The following SDK1 variants were observed in gnomAD, a reference collection of about 807,000 sequenced individuals.
The protein encoded by SDK1 is protein sidekick-1.
A neutral mutation model predicts 245.5 loss-of-function variants in SDK1; 157 were observed. The observed-to-expected ratio is 0.64, with a 90% CI of 0.56 to 0.73. SDK1 has a LOEUF of 0.73. Among genes scored for constraint, SDK1 ranks in the 30% least tolerant of loss-of-function variants. The pLI, the probability that SDK1 is intolerant of heterozygous loss-of-function variation, is 0.00. For missense variants in SDK1, 3,583 were observed against 3,002.3 expected, an observed-to-expected ratio of 1.19 and a Z score of -4.52; for synonymous variants, 1,647 against 1,278.5, an observed-to-expected ratio of 1.29 and a Z score of -6.15.
intron 26 of SDK1, chr7:4,129,704 C>G (rs567580894): frequency 7.1e-7 from 1 of 1,416,630 alleles, no homozygotes; most frequent in Non-Finnish European, 9.2e-7. Context: ...CTCAAGCTCC[C>G]CTGGAGCGCA....
At position 4,125,189 on chromosome 7, in the gene SDK1, T is replaced by TGATG. The variant is rs139127658; in HGVS notation, c.3824-2170_3824-2167dup. Among the ~76,000 whole-genome samples, 686 of 127,818 alleles carry TGATG rather than the reference T, an allele frequency of 5.4e-3. 4 individuals are homozygous for TGATG. The highest frequency in any genetic ancestry group is 0.017 in the African/African-American group (560 of 33,516). 83.9% of individuals were successfully genotyped at this position (127,818 alleles called of 152,430 possible). A position where few individuals can be genotyped will look rare whatever the true frequency, so the allele number is the denominator to read the frequency against. ...ATGGGTGGATGGATGGATGGATGGG[T>TGATG]GATGGATGGATGGATGGATGGATGG... On this transcript the variant is annotated intron_variant, in intron 25 of 44. Coordinates refer to ENST00000404826, the MANE Select transcript of SDK1 (RefSeq NM_152744.4).
intron 1 of SDK1, among the ~76,000 whole-genome samples, chr7:3,411,745 C>A (rs1779213788): frequency 6.6e-6 from 1 of 152,058 alleles, no homozygotes; most frequent in Non-Finnish European, 1.5e-5. Context: ...TCTAGTCTCT[C>A]CACAATTGAA....
At chr7:4,052,829 C>G (rs966431095) in intron 19 of SDK1, among the ~76,000 whole-genome samples, 2 of 152,148 alleles carry the variant, frequency 1.3e-5, no homozygotes, top group Non-Finnish European at 2.9e-5. Context: ...TGGTTCATGC[C>G]TGTAATCCCA....
intron 1 of SDK1, among the ~76,000 whole-genome samples, chr7:3,594,412 A>C (rs1419781480): frequency 6.6e-6 from 1 of 152,190 alleles, no homozygotes; most frequent in Non-Finnish European, 1.5e-5. Flanking sequence ...TGCTATGAGC[A>C]TTGATAATAC....
intron 22 of SDK1, among the ~76,000 whole-genome samples, chr7:4,094,407 G>A (rs1782007996): frequency 6.6e-6 from 1 of 152,192 alleles, no homozygotes; most frequent in South Asian, 2.1e-4. Context: ...GAATTCCGGG[G>A]TGGGATTGCC....
At chr7:4,203,410 G>C (rs1784005293) in intron 35 of SDK1, among the ~76,000 whole-genome samples, 1 of 152,134 alleles carries the variant, frequency 6.6e-6, no homozygotes, top group Admixed American at 6.5e-5. Flanking sequence ...TGAGACCCCA[G>C]AGAAAACCCC....
intron 1 of SDK1, among the ~76,000 whole-genome samples, chr7:3,599,938 G>T (rs573190355): frequency 1.3e-5 from 2 of 152,222 alleles, no homozygotes; most frequent in African/African-American, 4.8e-5. Flanking sequence ...ATAAAGCTTA[G>T]AATAATCTTG....
At chr7:3,714,729 T>A (rs910960938) in intron 4 of SDK1, among the ~76,000 whole-genome samples, 3 of 152,220 alleles carry the variant, frequency 2.0e-5, no homozygotes, top group African/African-American at 4.8e-5. Context: ...AAAACAAGTT[T>A]CCATGCTTGA....
intron 40 of SDK1, among the ~76,000 whole-genome samples, chr7:4,230,017 A>G: frequency 7.3e-6 from 1 of 136,588 alleles, no homozygotes; most frequent in Non-Finnish European, 1.6e-5. Context: ...GGATGGATGG[A>G]TGGATGGAAG....
intron 1 of SDK1, among the ~76,000 whole-genome samples, chr7:3,405,814 CTTTTTTT>C (rs534692477): frequency 2.4e-5 from 3 of 125,392 alleles, no homozygotes; most frequent in Non-Finnish European, 3.3e-5. Flanking sequence ...TTCTTTCTTT[CTTTTTTT>C]TTTTTTTTTT....
intron 5 of SDK1, among the ~76,000 whole-genome samples, chr7:3,926,126 T>C (rs945922021): frequency 6.6e-6 from 1 of 152,158 alleles, no homozygotes; most frequent in South Asian, 2.1e-4. Context: ...AAATCCCTTT[T>C]TGTGCAACAA....
At chr7:3,725,097 C>T (rs1236939228) in intron 4 of SDK1, among the ~76,000 whole-genome samples, 1 of 152,190 alleles carries the variant, frequency 6.6e-6, no homozygotes, top group Non-Finnish European at 1.5e-5. Context: ...GATAGATCTA[C>T]AGAGCTGAAT....
intron 5 of SDK1, among the ~76,000 whole-genome samples, chr7:3,934,950 C>T (rs533734273): frequency 9.2e-5 from 14 of 152,334 alleles, no homozygotes; most frequent in Non-Finnish European, 1.9e-4. Context: ...TGCAAAGCCC[C>T]TTCGGTGTTG....
At chr7:4,025,432 T>C (rs1787266019) in intron 17 of SDK1, among the ~76,000 whole-genome samples, 1 of 152,192 alleles carries the variant, frequency 6.6e-6, no homozygotes, top group Non-Finnish European at 1.5e-5. Flanking sequence ...AGGTAGGGTT[T>C]AGCATCTGTA....
intron 1 of SDK1, among the ~76,000 whole-genome samples, chr7:3,576,576 G>A (rs764053949): frequency 2.6e-5 from 4 of 152,032 alleles, no homozygotes; most frequent in Non-Finnish European, 5.9e-5. Context: ...TTGTACTTTA[G>A]TAAATCTGCC....
intron 5 of SDK1, among the ~76,000 whole-genome samples, chr7:3,877,569 T>C (rs528039486): frequency 1.3e-5 from 2 of 152,322 alleles, no homozygotes; most frequent in Admixed American, 6.5e-5. Flanking sequence ...TTAGATGGTT[T>C]ATCCCTTTTA....
At chr7:3,545,602 A>C (rs895166681) in intron 1 of SDK1, among the ~76,000 whole-genome samples, 4 of 152,214 alleles carry the variant, frequency 2.6e-5, no homozygotes, top group Admixed American at 1.3e-4. Flanking sequence ...GCACTAAGTG[A>C]ATATTACATG....
intron 4 of SDK1, among the ~76,000 whole-genome samples, chr7:3,813,603 T>A (rs1054976503): frequency 1.3e-5 from 2 of 149,674 alleles, no homozygotes; most frequent in Non-Finnish European, 3.0e-5. Flanking sequence ...GCAGCATGCT[T>A]TATAGTCATT....
Position 3,450,116 on chromosome 7 carries a change from AG to A in SDK1, c.298+148233del, listed in dbSNP as rs1047583463. Reference sequence around the variant, plus strand: ...GGTGAATAGTAAATATAGACACTGAAGAAAAATGGAAATGTGTGTGGTAAAG... The same window carrying A: ...GGTGAATAGTAAATATAGACACTGAAAAAAATGGAAATGTGTGTGGTAAAG... On this transcript the variant is annotated intron_variant, in intron 1 of 44. Coordinates refer to ENST00000404826, the MANE Select transcript of SDK1 (RefSeq NM_152744.4). 1.6e-4 allele frequency among the ~76,000 whole-genome samples: 24 copies of A among 152,362 alleles called. 1 individual carries two copies. Among genetic ancestry groups the A allele is most frequent in the Middle Eastern group, 3.4e-3 (1 of 294 alleles).
Sources: allele counts gnomAD v4.1 joint callset (sites outside exome capture counted in the v4.1 genomes callset), GRCh38; gene constraint gnomAD v4.1.1; transcripts MANE v1.5; gene names NCBI Gene and HGNC (gene_info 2026-07-23, HGNC 2026-07-21).